Variants in SLC10A6 observed in about 807,000 individuals in gnomAD.
SLC10A6 encodes solute carrier family 10 member 6.
A neutral mutation model predicts 30.0 loss-of-function variants in SLC10A6; 27 were observed. The ratio of observed to expected loss-of-function variants is 0.90; its 90% confidence interval spans 0.66 to 1.24. The LOEUF is 1.24. Among genes scored for constraint, SLC10A6 ranks in the 50% most tolerant of loss-of-function variants. The pLI is 0.00. For synonymous variants in SLC10A6, 166 were observed against 173.8 expected (o/e 0.95, Z 0.36); for missense variants, 439 against 457.0 (o/e 0.96, Z 0.36).
chr4:86,826,789 G>C (rs1055085731), intron 4 of SLC10A6, among the ~76,000 whole-genome samples: 1 of 152,134 alleles, frequency 6.6e-6, no homozygotes, highest in Non-Finnish European at 1.5e-5. Flanking sequence ...GAGTTAAGCA[G>C]TTTCACGTCT....
chr4:86,840,846 C>T (rs1375642542), intron 1 of SLC10A6, among the ~76,000 whole-genome samples: 2 of 152,154 alleles, frequency 1.3e-5, no homozygotes, highest in African/African-American at 4.8e-5. Context: ...CCTTTTCAAA[C>T]TTGTCTTAGC....
chr4:86,837,295 A>AAAGAAAG (rs1746212965), intron 1 of SLC10A6, among the ~76,000 whole-genome samples: 1 of 65,252 alleles, frequency 1.5e-5, no homozygotes, highest in Admixed American at 1.5e-4. Context: ...AAAAGAAAGG[A>AAAGAAAG]AGGAAGGAAG....
intron 1 of SLC10A6, among the ~76,000 whole-genome samples, chr4:86,843,292 G>A (rs1485526004): frequency 3.3e-5 from 5 of 152,132 alleles, no homozygotes; most frequent in Non-Finnish European, 7.4e-5. Flanking sequence ...AAGCAAAGAT[G>A]AGCAAGCCTT....
chr4:86,836,223 TAAC>T, intron 1 of SLC10A6, among the ~76,000 whole-genome samples: 1 of 152,344 alleles, frequency 6.6e-6, no homozygotes, highest in Non-Finnish European at 1.5e-5. Flanking sequence ...GTCAAAAGGC[TAAC>T]ACATTTTAAG....
intron 1 of SLC10A6, among the ~76,000 whole-genome samples, chr4:86,835,678 A>C (rs915542286): frequency 7.2e-5 from 11 of 151,946 alleles, no homozygotes. Flanking sequence ...AAAAAAAAGA[A>C]AGACAGAAAG....
chr4:86,840,302 T>A (rs1315974287), intron 1 of SLC10A6, among the ~76,000 whole-genome samples: 1 of 152,150 alleles, frequency 6.6e-6, no homozygotes, highest in Admixed American at 6.6e-5. Flanking sequence ...ATCTTGCTTG[T>A]CAGACTTCTT....
chr4:86,823,670 C>A lies in SLC10A6; in HGVS notation c.*18G>T. 3 of 1,563,240 alleles carry A rather than the reference C, an allele frequency of 1.9e-6. No homozygotes were observed. The highest frequency in any genetic ancestry group is 1.2e-5 in the South Asian group (1 of 82,280). On this transcript the variant is annotated 3_prime_UTR_variant, in exon 6 of 6. Transcript: ENST00000273905. ...GCCACTGAAAAAGAAGGGGGCCAGT[C>A]CAGCCAGCTAGTCCCTGCTATTCAC...
chr4:86,831,930 C>T (rs1214324468), intron 2 of SLC10A6, 50 bp from the exon 3 acceptor site: 1 of 1,421,150 alleles, frequency 7.0e-7, no homozygotes, highest in South Asian at 1.2e-5. Context: ...ACCCTGACTG[C>T]ACAGTACTTC....
Position 86,828,020 on chromosome 4 carries a change from G to T in SLC10A6, c.734C>A (p.Ala245Glu). 2.5e-6 allele frequency: 4 copies of T among 1,613,820 alleles called. No homozygotes were observed. In the South Asian group the frequency reaches 4.4e-5, roughly 18 times the overall value. The change falls in exon 4 of 6, where the codon GCA (alanine) becomes GAA (glutamate). Residue 245 changes from alanine (A) to glutamate (E), a missense_variant. Coordinates refer to ENST00000273905, the MANE Select transcript of SLC10A6 (RefSeq NM_197965.3). ...LIGHVTGFLL[A>E]LFTHQSWQRC... ...TTGCCAAGACTGGTGGGTAAAAAGT[G>T]CCAGCAGAAAACCCGTGACATGGCC...
Position 86,831,787 on chromosome 4 carries a change from C to A in SLC10A6, c.585+5G>T. The A allele has an allele frequency of 6.2e-7, 1 of 1,611,032 alleles. No individual in the cohort carries two copies. Among genetic ancestry groups the A allele is most frequent in the South Asian group, 1.1e-5 (1 of 90,530 alleles). On this transcript the variant is annotated splice_donor_5th_base_variant and intron_variant, in intron 3 of 5. Coordinates refer to ENST00000273905, the MANE Select transcript of SLC10A6 (RefSeq NM_197965.3). The stretch of plus-strand genomic sequence containing the variant: ...CGTGCCAACAGTGGCCATGAAGTCA[C>A]TCACCTTGAGAATGATTTTGGATTG...
intron 1 of SLC10A6, chr4:86,837,602 C>G: frequency 1.0e-6 from 1 of 985,386 alleles, no homozygotes; most frequent in Non-Finnish European, 1.2e-6. Context: ...CATCCCAAAT[C>G]TATTCTTTCC....
At chr4:86,825,343 G>C in intron 5 of SLC10A6, 77 bp downstream of exon 5, 1 of 1,414,386 alleles carries the variant, frequency 7.1e-7, no homozygotes, top group Non-Finnish European at 9.7e-7. Flanking sequence ...ATGCAAGTTT[G>C]GATTGAAAAA....
At chr4:86,834,158 G>A (rs1337925743) in intron 1 of SLC10A6, among the ~76,000 whole-genome samples, 2 of 152,142 alleles carry the variant, frequency 1.3e-5, no homozygotes, top group Non-Finnish European at 2.9e-5. Flanking sequence ...ATTCTCGTGG[G>A]ATTCACTGAG....
At chr4:86,835,983 T>C (rs978472697) in intron 1 of SLC10A6, among the ~76,000 whole-genome samples, 2 of 152,178 alleles carry the variant, frequency 1.3e-5, no homozygotes, top group Non-Finnish European at 2.9e-5. Context: ...AATCAGTCTG[T>C]TTATCTGTGT....
At chr4:86,827,317 A>G (rs1746013593) in intron 4 of SLC10A6, among the ~76,000 whole-genome samples, 1 of 152,192 alleles carries the variant, frequency 6.6e-6, no homozygotes, top group African/African-American at 2.4e-5. Flanking sequence ...CAAGTCACTT[A>G]ATTTCTCTGA....
At chr4:86,847,506 G>A (rs1746411153) in intron 1 of SLC10A6, among the ~76,000 whole-genome samples, 1 of 152,082 alleles carries the variant, frequency 6.6e-6, no homozygotes, top group Non-Finnish European at 1.5e-5. Context: ...TAGTGGCTTT[G>A]TATATGAGTG....
chr4:86,836,907 A>ATG (rs1746194814), intron 1 of SLC10A6, among the ~76,000 whole-genome samples: 1 of 151,786 alleles, frequency 6.6e-6, no homozygotes, highest in Admixed American at 6.6e-5. Context: ...ACAGATGCCC[A>ATG]CCACCACACC....
At chr4:86,842,575 C>G (rs532114677) in intron 1 of SLC10A6, among the ~76,000 whole-genome samples, 2 of 152,028 alleles carry the variant, frequency 1.3e-5, no homozygotes, top group East Asian at 3.9e-4. Flanking sequence ...GCCTATAGTC[C>G]CAGCTGCGCT....
At chr4:86,824,941 A>G (rs1745954056) in intron 5 of SLC10A6, among the ~76,000 whole-genome samples, 1 of 152,256 alleles carries the variant, frequency 6.6e-6, no homozygotes, top group Admixed American at 6.5e-5. Flanking sequence ...ATATATTTCA[A>G]TATTTGTATA....
Sources: allele counts gnomAD v4.1 joint callset (sites outside exome capture counted in the v4.1 genomes callset), GRCh38; gene constraint gnomAD v4.1.1; transcripts MANE v1.5; gene names NCBI Gene and HGNC (gene_info 2026-07-23, HGNC 2026-07-21).